Variants in NME9 observed in about 807,000 individuals in gnomAD.
The protein encoded by NME9 is NME/NM23 family member 9, also known as thioredoxin domain-containing protein 6.
In NME9, 48 loss-of-function variants were observed where a neutral mutation model predicts 44.4. The ratio of observed to expected loss-of-function variants is 1.08; its 90% CI spans 0.86 to 1.37. NME9 has a LOEUF of 1.37. Among genes scored for constraint, NME9 ranks in the 40% most tolerant of loss-of-function variants. The pLI is 0.00. For synonymous variants in NME9, 139 were observed against 147.1 expected (o/e 0.94, Z 0.40); for missense variants, 325 against 405.2 (o/e 0.80, Z 1.70).
rs1261541082 is a variant in NME9, at chr3:138,324,728, ACACACACACAC to A, written c.91+134_91+144del. 9.0e-6 allele frequency: 6 copies of A among 667,740 alleles called. No homozygotes were observed. The East Asian group carries it at 1.4e-4, about 15-fold the overall frequency. The allele number at this position is 667,740 out of a possible 1,614,324, so 41.4% of individuals were successfully genotyped here. On this transcript the variant is annotated intron_variant, in intron 2 of 10. Coordinates refer to ENST00000333911, the MANE Select transcript of NME9 (RefSeq NM_001349018.2). ...CACACACACACACACACACACACACACACACACACACATCACCTGGTTTTTTATGAGGCTCA... is the reference window on the plus strand; with the variant it reads ...CACACACACACACACACACACACACAATCACCTGGTTTTTTATGAGGCTCA...
At chr3:138,271,798 CTT>C (rs776320900) in intron 8 of NME9, among the ~76,000 whole-genome samples, 46 of 135,996 alleles carry the variant, frequency 3.4e-4, no homozygotes, top group Admixed American at 5.8e-4. Context: ...TTTTTTCTTT[CTT>C]TTTTTTTTTT....
At chr3:138,290,908 C>T (rs560976599) in intron 8 of NME9, among the ~76,000 whole-genome samples, 16 of 152,186 alleles carry the variant, frequency 1.1e-4, no homozygotes, top group Admixed American at 8.5e-4. Context: ...TGCGTACATT[C>T]GCCTGATCAT....
chr3:138,300,646 G>T (rs184150699), downstream of NME9, among the ~76,000 whole-genome samples: 164 of 152,336 alleles, frequency 1.1e-3, no homozygotes, highest in African/African-American at 3.4e-3. Context: ...GCAATTCAGT[G>T]GGAGCTGAAG....
chr3:138,279,719 G>T (rs2108336711), intron 8 of NME9, among the ~76,000 whole-genome samples: 1 of 152,252 alleles, frequency 6.6e-6, no homozygotes, highest in South Asian at 2.1e-4. Context: ...TTTTTTAATA[G>T]AAATAGGACT....
At chr3:138,285,121 A>AC (rs2050283214) in intron 8 of NME9, among the ~76,000 whole-genome samples, 1 of 152,216 alleles carries the variant, frequency 6.6e-6, no homozygotes, top group Non-Finnish European at 1.5e-5. Context: ...ACAACTGCAG[A>AC]GAAAGGCACA....
At chr3:138,305,832 CTT>C (rs142947339) in intron 8 of NME9, 170 bp downstream of exon 8, 427 of 560,730 alleles carry the variant, frequency 7.6e-4, no homozygotes, top group African/African-American at 6.9e-3. Context: ...AACCAAAAAA[CTT>C]TACCTGATAC....
chr3:138,270,369 T>C (rs1349678413), intron 8 of NME9, among the ~76,000 whole-genome samples: 1 of 152,218 alleles, frequency 6.6e-6, no homozygotes, highest in African/African-American at 2.4e-5. Flanking sequence ...TGAACAGATG[T>C]TGAAACTTAG....
chr3:138,283,029 A>G (rs1290279231), intron 8 of NME9, among the ~76,000 whole-genome samples: 1 of 152,236 alleles, frequency 6.6e-6, no homozygotes, highest in Non-Finnish European at 1.5e-5. Context: ...TTGGGCACAT[A>G]AAGCCCTCCT....
intron 1 of NME9, among the ~76,000 whole-genome samples, chr3:138,328,082 A>C (rs2053904860): frequency 6.6e-6 from 1 of 152,180 alleles, no homozygotes; most frequent in Admixed American, 6.5e-5. Flanking sequence ...GTCACACAGC[A>C]ATGAATGGTA....
chr3:138,264,020 C>T, intron 8 of NME9: 1 of 1,054,166 alleles, frequency 9.5e-7, no homozygotes, highest in Non-Finnish European at 1.4e-6. Flanking sequence ...GTTCACTTAA[C>T]AATGTAGATA....
At chr3:138,304,685 C>A (rs548345951) in intron 9 of NME9, among the ~76,000 whole-genome samples, 188 bp downstream of exon 9, 1 of 152,300 alleles carries the variant, frequency 6.6e-6, no homozygotes, top group South Asian at 2.1e-4. Context: ...ACAGGAGGCC[C>A]TCAGCAAAGG....
intron 8 of NME9, among the ~76,000 whole-genome samples, chr3:138,268,907 A>T (rs2048528407): frequency 6.6e-6 from 1 of 152,240 alleles, no homozygotes; most frequent in Non-Finnish European, 1.5e-5. Flanking sequence ...TATTATTTTA[A>T]TTTATTATTA....
At chr3:138,287,208 A>G (rs2050516388) in intron 8 of NME9, among the ~76,000 whole-genome samples, 1 of 152,218 alleles carries the variant, frequency 6.6e-6, no homozygotes, top group Non-Finnish European at 1.5e-5. Context: ...TCAACACAGA[A>G]TGAAATCCAG....
intron 8 of NME9, among the ~76,000 whole-genome samples, chr3:138,272,746 G>A (rs944070515): frequency 3.9e-5 from 6 of 152,144 alleles, no homozygotes; most frequent in African/African-American, 1.2e-4. Flanking sequence ...GTGGTGGCTC[G>A]CGCCTGTACT....
At chr3:138,262,720 G>A (rs1246423631) in intron 8 of NME9, 1 of 899,376 alleles carries the variant, frequency 1.1e-6, no homozygotes, top group Non-Finnish European at 1.5e-6. Flanking sequence ...CTTCTGCAAG[G>A]ACAACCAAGG....
At chr3:138,303,722 C>A in intron 9 of NME9, 79 bp from the exon 10 acceptor site, 1 of 1,337,772 alleles carries the variant, frequency 7.5e-7, no homozygotes, top group Non-Finnish European at 1.1e-6. Context: ...AACATGATCA[C>A]CGACTACCAA....
chr3:138,266,725 C>G (rs565043573), intron 8 of NME9, among the ~76,000 whole-genome samples: 4 of 152,130 alleles, frequency 2.6e-5, no homozygotes, highest in Non-Finnish European at 5.9e-5. Flanking sequence ...CTGCTTGATT[C>G]GTCAGTGCTC....
downstream of NME9, among the ~76,000 whole-genome samples, chr3:138,300,266 ACTGGC>A (rs1024107540): frequency 1.4e-4 from 21 of 152,192 alleles, no homozygotes; most frequent in Non-Finnish European, 1.0e-4. Context: ...ACTGAAGGTC[ACTGGC>A]CTTGGTTCCC....
chr3:138,287,766 A>C lies in NME9; in HGVS notation c.745+15741T>G, dbSNP rs532736609. On this transcript the variant is annotated intron_variant, in intron 8 of 8. Transcript: ENST00000317876. ...TAGTTGAAATATAGTCCTACATGAG[A>C]AGATAAGTCTGTCTTAGCCTTGAAA... 3 of 446,358 alleles carry C rather than the reference A, an allele frequency of 6.7e-6. No individual in the cohort carries two copies. In the Admixed American group the frequency reaches 7.1e-5, roughly 11 times the overall value. 27.6% of individuals were successfully genotyped at this position (446,358 alleles called of 1,614,324 possible).
Sources: allele counts gnomAD v4.1 joint callset (sites outside exome capture counted in the v4.1 genomes callset), GRCh38; gene constraint gnomAD v4.1.1; transcripts MANE v1.5; gene names NCBI Gene and HGNC (gene_info 2026-07-23, HGNC 2026-07-21).